The following RERE variants were observed in gnomAD, a reference collection of about 807,000 sequenced individuals.
The protein encoded by RERE is arginine-glutamic acid dipeptide repeats.
Under a neutral mutation model 146.1 loss-of-function variants are expected in RERE, and 40 were observed. The observed-to-expected ratio is 0.27, with a 90% CI of 0.21 to 0.36. The LOEUF is 0.36. RERE is among the 10% of genes least tolerant of loss of function. RERE has a pLI of 1.00. For synonymous variants in RERE, 1,003 were observed against 866.0 expected (o/e 1.16, Z -2.78); for missense variants, 1,933 against 2,138.7 (o/e 0.90, Z 1.90).
intron 2 of RERE, among the ~76,000 whole-genome samples, chr1:8,629,100 A>G (rs993931445): frequency 3.9e-5 from 6 of 152,234 alleles, no homozygotes; most frequent in Non-Finnish European, 7.3e-5. Context: ...TATTTTTTAA[A>G]TCTTCAAATC....
chr1:8,389,805 A>G (rs1642821494), intron 12 of RERE, among the ~76,000 whole-genome samples: 1 of 152,236 alleles, frequency 6.6e-6, no homozygotes, highest in African/African-American at 2.4e-5. Context: ...TTTTGTATAC[A>G]TTAATAGTTT....
chr1:8,518,221 C>G (rs183338932), intron 7 of RERE, among the ~76,000 whole-genome samples: 86 of 152,278 alleles, frequency 5.6e-4, no homozygotes, highest in African/African-American at 1.7e-3. Flanking sequence ...ACAGAAGGCA[C>G]CACCATGAAG....
intron 1 of RERE, among the ~76,000 whole-genome samples, chr1:8,800,655 A>C (rs564987826): frequency 6.6e-6 from 1 of 151,922 alleles, no homozygotes; most frequent in Non-Finnish European, 1.5e-5. Flanking sequence ...TGAGAAAGAG[A>C]GATTCCGTCT....
At chr1:8,530,067 G>A (rs777496561) in intron 7 of RERE, among the ~76,000 whole-genome samples, 5 of 152,118 alleles carry the variant, frequency 3.3e-5, no homozygotes, top group Admixed American at 6.5e-5. Flanking sequence ...TTGCCAGCCT[G>A]CAGGGATGTA....
chr1:8,728,475 A>C (rs1167704127), intron 1 of RERE, among the ~76,000 whole-genome samples: 1 of 151,970 alleles, frequency 6.6e-6, no homozygotes, highest in African/African-American at 2.4e-5. Flanking sequence ...AAAAAAAAAA[A>C]ACCCTATTGA....
intron 19 of RERE, among the ~76,000 whole-genome samples, chr1:8,359,420 A>G (rs534415892): frequency 6.6e-6 from 1 of 152,278 alleles, no homozygotes; most frequent in East Asian, 1.9e-4. Context: ...GTCTTCTCTC[A>G]AGGCGCCCCC....
chr1:8,552,873 C>T lies in RERE; in HGVS notation c.725+3602G>A, dbSNP rs1237993913. Among the ~76,000 whole-genome samples, 3 of 151,920 alleles carry T rather than the reference C, an allele frequency of 2.0e-5. No homozygotes were observed. The East Asian group carries it at 5.8e-4, about 30-fold the overall frequency. ...ACACGTGTGACCCTGCACCACTGGG[C>T]CAGCACGTCCACACACACACAAAAC... On this transcript the variant is annotated intron_variant, in intron 6 of 22. Transcript: ENST00000400908.
At position 8,601,671 on chromosome 1, in the gene RERE, C is replaced by CACACACACAT. The variant is rs1468928033; in HGVS notation, c.522+12889_522+12890insATGTGTGTGT. On this transcript the variant is annotated intron_variant, in intron 4 of 22. Coordinates refer to ENST00000400908, the MANE Select transcript of RERE (RefSeq NM_001042681.2). ...ACACACACACACACACACACACACA[C>CACACACACAT]ATCTTCCTTCCATGATCCTTTGGAT... 1.5e-5 allele frequency among the ~76,000 whole-genome samples: 2 copies of CACACACACAT among 132,750 alleles called. 1 individual carries two copies. Among genetic ancestry groups the CACACACACAT allele is most frequent in the South Asian group, 4.9e-4 (2 of 4,116 alleles). The allele number at this position is 132,750 out of a possible 152,430, so 87.1% of individuals were successfully genotyped here.
intron 1 of RERE, among the ~76,000 whole-genome samples, chr1:8,789,998 AG>A (rs970395295): frequency 6.6e-6 from 1 of 152,224 alleles, no homozygotes; most frequent in African/African-American, 2.4e-5. Flanking sequence ...TATTCTTGCA[AG>A]GCTTCCCTCC....
At chr1:8,428,147 A>G (rs898078492) in intron 11 of RERE, among the ~76,000 whole-genome samples, 1 of 152,170 alleles carries the variant, frequency 6.6e-6, no homozygotes, top group African/African-American at 2.4e-5. Context: ...CAGGATGCCA[A>G]GGGTAAAGGA....
chr1:8,660,214 A>AT (rs566544513), intron 1 of RERE, among the ~76,000 whole-genome samples: 2 of 152,064 alleles, frequency 1.3e-5, no homozygotes, highest in Admixed American at 6.5e-5. Context: ...ATGGGAATAT[A>AT]TTTTTTTCCT....
At chr1:8,694,848 A>G (rs1639288157) in intron 1 of RERE, among the ~76,000 whole-genome samples, 3 of 152,020 alleles carry the variant, frequency 2.0e-5, no homozygotes, top group African/African-American at 7.3e-5. Flanking sequence ...CACTTTCCTA[A>G]GCAATCTACA....
intron 11 of RERE, among the ~76,000 whole-genome samples, chr1:8,462,289 C>T (rs1047566397): frequency 2.0e-5 from 3 of 152,204 alleles, no homozygotes; most frequent in Non-Finnish European, 4.4e-5. Flanking sequence ...TAAGTCCTTA[C>T]CCTTAATAAG....
chr1:8,618,600 G>A (rs1332303544), intron 3 of RERE, among the ~76,000 whole-genome samples: 2 of 152,162 alleles, frequency 1.3e-5, no homozygotes, highest in Admixed American at 1.3e-4. Context: ...TACACCTTCT[G>A]TGCTAAGTGG....
Position 8,701,312 on chromosome 1 carries a change from ACACACACACACG to A in RERE, c.-144-44883_-144-44872del, listed in dbSNP as rs1238363030. ...TACACACACACACACACACACACAC[ACACACACACACG>A]CACACACTCCCTCCCTCCCTCTCTC... On this transcript the variant is annotated intron_variant, in intron 1 of 22. Coordinates refer to ENST00000400908, the MANE Select transcript of RERE (RefSeq NM_001042681.2). Among the ~76,000 whole-genome samples the A allele has an allele frequency of 8.6e-3, 832 of 97,118 alleles. 7 individuals are homozygous for A. Among genetic ancestry groups the A allele is most frequent in the South Asian group, 0.053 (196 of 3,680 alleles). The allele number at this position is 97,118 out of a possible 152,430, so 63.7% of individuals were successfully genotyped here. A position where few individuals can be genotyped will look rare whatever the true frequency, so the allele number is the denominator to read the frequency against.
At chr1:8,439,324 G>A (rs1316063996) in intron 11 of RERE, among the ~76,000 whole-genome samples, 1 of 152,216 alleles carries the variant, frequency 6.6e-6, no homozygotes, top group Non-Finnish European at 1.5e-5. Flanking sequence ...AGATCCTACA[G>A]TGTATGGCAA....
intron 2 of RERE, among the ~76,000 whole-genome samples, chr1:8,626,755 C>G (rs1055099274): frequency 1.3e-5 from 2 of 152,186 alleles, no homozygotes; most frequent in South Asian, 4.1e-4. Flanking sequence ...TACTCTTGGT[C>G]TGTAATAGAC....
At chr1:8,501,341 A>C in intron 8 of RERE, among the ~76,000 whole-genome samples, 1 of 90,554 alleles carries the variant, frequency 1.1e-5, no homozygotes. Context: ...GTGGGGGGTC[A>C]GCACCCCGCC....
At chr1:8,470,301 T>G (rs1032989315) in intron 10 of RERE, among the ~76,000 whole-genome samples, 6 of 152,078 alleles carry the variant, frequency 3.9e-5, no homozygotes, top group Non-Finnish European at 8.8e-5. Context: ...CTCACTCTGT[T>G]GCCCAGGCTG....
Sources: allele counts gnomAD v4.1 joint callset (sites outside exome capture counted in the v4.1 genomes callset), GRCh38; gene constraint gnomAD v4.1.1; transcripts MANE v1.5; gene names NCBI Gene and HGNC (gene_info 2026-07-23, HGNC 2026-07-21).